The following CNTNAP2 variants were observed in gnomAD, a reference collection of about 807,000 sequenced individuals.
The protein encoded by CNTNAP2 is contactin associated protein 2.
CNTNAP2 carries 98 observed loss-of-function variants against 155.2 expected under a neutral mutation model. The observed-to-expected ratio is 0.63, with a 90% CI of 0.54 to 0.75. The LOEUF is 0.75. Among genes scored for constraint, CNTNAP2 ranks in the 30% least tolerant of loss-of-function variants. CNTNAP2 has a pLI of 0.00. For missense variants in CNTNAP2, 1,727 were observed against 1,688.1 expected (o/e 1.02, Z -0.40); for synonymous variants, 651 against 631.2 (o/e 1.03, Z -0.47).
chr7:148,239,853 T>A (rs1347520638), intron 20 of CNTNAP2, among the ~76,000 whole-genome samples: 1 of 152,162 alleles, frequency 6.6e-6, no homozygotes, highest in African/African-American at 2.4e-5. Flanking sequence ...AAGATCCTGC[T>A]GAAGAAGACA....
chr7:147,689,243 T>A (rs1476356027), intron 13 of CNTNAP2, among the ~76,000 whole-genome samples: 1 of 151,514 alleles, frequency 6.6e-6, no homozygotes, highest in East Asian at 1.9e-4. Flanking sequence ...TCCACCTCCC[T>A]GGTTCAAGTG....
rs76926526 is a variant in CNTNAP2, at chr7:147,254,764, A to G, written c.1349-45377A>G. ...AGAATCTGAGGAATGACTTTAGGCA[A>G]CAGTTAAGCCAATTTTTAAAATTCT... On this transcript the variant is annotated intron_variant, in intron 8 of 23. Coordinates refer to ENST00000361727, the MANE Select transcript of CNTNAP2 (RefSeq NM_014141.6). Among the ~76,000 whole-genome samples the G allele has an allele frequency of 9.6e-4, 146 of 152,336 alleles. 3 individuals carry two copies. The East Asian group carries it at 0.024, about 25-fold the overall frequency.
At chr7:147,252,554 C>T (rs1280083827) in intron 8 of CNTNAP2, among the ~76,000 whole-genome samples, 1 of 152,010 alleles carries the variant, frequency 6.6e-6, no homozygotes, top group African/African-American at 2.4e-5. Context: ...TAATTTCATA[C>T]CATAATGAAA....
chr7:147,341,714 C>T (rs1795766487), intron 9 of CNTNAP2, among the ~76,000 whole-genome samples: 1 of 150,982 alleles, frequency 6.6e-6, no homozygotes, highest in Non-Finnish European at 1.5e-5. Flanking sequence ...ATATACAACT[C>T]CTACCCCAAA....
intron 19 of CNTNAP2, among the ~76,000 whole-genome samples, chr7:148,223,995 T>C (rs1795797170): frequency 6.6e-6 from 1 of 152,036 alleles, no homozygotes; most frequent in Admixed American, 6.5e-5. Context: ...GCCTGACCCA[T>C]GCCAGGGGAT....
Position 147,544,476 on chromosome 7 carries a change from T to G in CNTNAP2, c.1778-17662T>G, listed in dbSNP as rs770185872. On this transcript the variant is annotated intron_variant, in intron 11 of 23. Transcript: ENST00000361727. ...GAGTTAAAAGGGTACTTTCATTTAT[T>G]TCTGGCAAAAATGAAAATTGTTATA... Among the ~76,000 whole-genome samples, 111 of 152,236 alleles carry G rather than the reference T, an allele frequency of 7.3e-4. No homozygotes were observed. The Middle Eastern group carries it at 0.01, about 14-fold the overall frequency.
intron 4 of CNTNAP2, among the ~76,000 whole-genome samples, chr7:147,053,985 A>G (rs1799515726): frequency 6.6e-6 from 1 of 152,156 alleles, no homozygotes; most frequent in South Asian, 2.1e-4. Context: ...CAAAACCCAC[A>G]GAGTTATGCG....
chr7:146,520,289 TATATCTAG>T (rs1797599062), intron 1 of CNTNAP2, among the ~76,000 whole-genome samples: 1 of 137,430 alleles, frequency 7.3e-6, no homozygotes, highest in East Asian at 2.1e-4. Flanking sequence ...TTATAAAATA[TATATCTAG>T]ATATCTAGAT....
intron 21 of CNTNAP2, among the ~76,000 whole-genome samples, chr7:148,279,556 C>G (rs1796935939): frequency 6.6e-6 from 1 of 152,182 alleles, no homozygotes; most frequent in African/African-American, 2.4e-5. Context: ...TAGCCACATT[C>G]AAGGCTATTC....
chr7:146,856,297 G>GATACATACATACATACATAC (rs71165043), intron 3 of CNTNAP2, among the ~76,000 whole-genome samples: 2 of 116,650 alleles, frequency 1.7e-5, no homozygotes, highest in African/African-American at 6.6e-5. Flanking sequence ...TAGATAGATA[G>GATACATACATACATACATAC]ATACATACAT....
chr7:148,221,264 C>G (rs777260591), intron 19 of CNTNAP2, among the ~76,000 whole-genome samples: 1 of 152,188 alleles, frequency 6.6e-6, no homozygotes, highest in Non-Finnish European at 1.5e-5. Flanking sequence ...TTCCCATGAG[C>G]TGCACAACTC....
intron 22 of CNTNAP2, among the ~76,000 whole-genome samples, chr7:148,403,502 T>G (rs1161418842): frequency 6.6e-6 from 1 of 152,172 alleles, no homozygotes; most frequent in Non-Finnish European, 1.5e-5. Flanking sequence ...TGTTTTAAAT[T>G]AACACGCCAA....
intron 1 of CNTNAP2, among the ~76,000 whole-genome samples, chr7:146,245,809 G>A (rs1300488760): frequency 6.6e-6 from 1 of 151,834 alleles, no homozygotes; most frequent in African/African-American, 2.4e-5. Flanking sequence ...GTCAGTCCAA[G>A]TGAAAGCGAA....
At chr7:147,195,952 G>A (rs1802791081) in intron 8 of CNTNAP2, among the ~76,000 whole-genome samples, 2 of 152,144 alleles carry the variant, frequency 1.3e-5, no homozygotes, top group South Asian at 4.1e-4. Flanking sequence ...TTTGACTGTA[G>A]TGAGAGATAG....
intron 10 of CNTNAP2, among the ~76,000 whole-genome samples, chr7:147,474,318 G>C (rs1453039831): frequency 6.6e-6 from 1 of 152,056 alleles, no homozygotes; most frequent in East Asian, 2.0e-4. Flanking sequence ...TCTTGGCCGG[G>C]CACGGTGGCT....
chr7:147,398,856 ACT>A (rs1283481694), intron 10 of CNTNAP2, among the ~76,000 whole-genome samples: 3 of 150,938 alleles, frequency 2.0e-5, no homozygotes, highest in Non-Finnish European at 2.9e-5. Context: ...GAGATGACAA[ACT>A]CTAATTAAAA....
intron 10 of CNTNAP2, among the ~76,000 whole-genome samples, chr7:147,440,983 T>C (rs1271326091): frequency 1.3e-5 from 2 of 152,238 alleles, no homozygotes; most frequent in East Asian, 3.9e-4. Flanking sequence ...ATAATCTTCT[T>C]GTACTTGGAT....
chr7:146,380,704 A>G (rs1013088953), intron 1 of CNTNAP2, among the ~76,000 whole-genome samples: 4 of 148,852 alleles, frequency 2.7e-5, no homozygotes, highest in Non-Finnish European at 5.9e-5. Context: ...TGTTTGTATC[A>G]TTTCTTACTG....
chr7:147,231,538 TACATTCCCACTA>T (rs1453904491), intron 8 of CNTNAP2, among the ~76,000 whole-genome samples: 1 of 152,240 alleles, frequency 6.6e-6, no homozygotes, highest in East Asian at 1.9e-4. Context: ...TGTACAAATT[TACATTCCCACTA>T]ACAGTGTACA....
Sources: allele counts gnomAD v4.1 joint callset (sites outside exome capture counted in the v4.1 genomes callset), GRCh38; gene constraint gnomAD v4.1.1; transcripts MANE v1.5; gene names NCBI Gene and HGNC (gene_info 2026-07-23, HGNC 2026-07-21).